Variants in ATPAF2 observed in about 807,000 individuals in gnomAD.
ATPAF2 encodes the protein ATP12 homolog.
ATPAF2 carries 30 observed loss-of-function variants against 36.6 expected under a neutral mutation model. The observed-to-expected ratio is 0.82, with a 90% confidence interval of 0.61 to 1.11. The LOEUF is 1.11. Among genes scored for constraint, ATPAF2 ranks in the 50% most tolerant of loss-of-function variants. The probability of loss-of-function intolerance (pLI) is 0.00; values close to 1 mark genes in which losing one functional copy is unlikely to be tolerated. For missense variants in ATPAF2, 321 were observed against 372.3 expected, an observed-to-expected ratio of 0.86 and a Z score of 1.13; for synonymous variants, 140 against 152.6, an observed-to-expected ratio of 0.92 and a Z score of 0.61.
intron 7 of ATPAF2, among the ~76,000 whole-genome samples, chr17:18,019,733 C>A (rs570391257): frequency 6.6e-6 from 1 of 152,384 alleles, no homozygotes; most frequent in African/African-American, 2.4e-5. Context: ...TCAGAATCCA[C>A]CATGCTACAC....
chr17:18,031,457 T>C lies in ATPAF2; in HGVS notation c.134-2798A>G, dbSNP rs111809049. 3.2e-3 allele frequency among the ~76,000 whole-genome samples: 486 copies of C among 152,208 alleles called. 2 individuals are homozygous for C. The highest frequency in any genetic ancestry group is 0.011 in the African/African-American group (464 of 41,534). ...CTACCATGTGTCTTGGCACTTGGGA[T>C]ACAAGAGTGAATAAAATAGACAGAG... On this transcript the variant is annotated intron_variant, in intron 1 of 7. Coordinates refer to ENST00000474627, the MANE Select transcript of ATPAF2 (RefSeq NM_145691.4).
Position 18,021,798 on chromosome 17 carries a change from G to A in ATPAF2, c.563C>T (p.Thr188Ile). Residue 188 changes from threonine to isoleucine, a missense_variant, in exon 6 of 8, where the codon ACT (threonine) becomes ATT (isoleucine). Physicochemically the swap from Thr to Ile is moderately conservative, Grantham distance 89. This residue lies in a region of ATPAF2 where 199 missense variants were observed against 220.6 expected (regional missense o/e 0.90). Coordinates refer to ENST00000474627, the MANE Select transcript of ATPAF2 (RefSeq NM_145691.4). ...CAGGTGGCTGACGAGCACCTCCCGAGTTTTGGCAGGGATGCTGGGTCCCAT... is the reference window on the plus strand; with the variant it reads ...CAGGTGGCTGACGAGCACCTCCCGAATTTTGGCAGGGATGCTGGGTCCCAT... ...SIMGPSIPAK[T>I]REVLVSHLAS... The A allele has an allele frequency of 6.2e-7, 1 of 1,614,188 alleles. No homozygotes were observed. Among genetic ancestry groups the A allele is most frequent in the South Asian group, 1.1e-5 (1 of 91,080 alleles).
At chr17:18,016,866 C>G (rs1175940401), downstream of ATPAF2, 14 of 437,132 alleles carry the variant, frequency 3.2e-5, no homozygotes, top group East Asian at 5.4e-4. Context: ...CACATTTCCC[C>G]TACTCATAAA....
At chr17:18,031,232 C>T (rs1043017765) in intron 1 of ATPAF2, among the ~76,000 whole-genome samples, 1 of 151,728 alleles carries the variant, frequency 6.6e-6, no homozygotes, top group Non-Finnish European at 1.5e-5. Context: ...ACCTCAGCCT[C>T]CCAAAGTGCT....
At chr17:18,016,563 C>T (rs937969778), downstream of ATPAF2, 2 of 1,611,934 alleles carry the variant, frequency 1.2e-6, no homozygotes, top group Admixed American at 3.3e-5. Context: ...CTCAGATTCA[C>T]AAGGATGAGA....
At chr17:18,026,457 G>T (rs926024472) in intron 3 of ATPAF2, 41 bp from the exon 4 acceptor site, 2 of 1,524,922 alleles carry the variant, frequency 1.3e-6, no homozygotes, top group African/African-American at 1.4e-5. Context: ...TGCCTGCGGG[G>T]CTCAGGCAAA....
intron 5 of ATPAF2, 50 bp downstream of exon 5, chr17:18,024,574 A>C (rs775964167): frequency 4.6e-5 from 70 of 1,526,104 alleles, no homozygotes; most frequent in Non-Finnish European, 5.4e-5. Flanking sequence ...CCTACACTCC[A>C]CCAAACGCAG....
intron 1 of ATPAF2, among the ~76,000 whole-genome samples, chr17:18,036,474 G>A (rs1038322553): frequency 1.8e-4 from 28 of 151,970 alleles, no homozygotes; most frequent in African/African-American, 6.0e-4. Context: ...TACTCGGGAC[G>A]CTGAGGCAGG....
chr17:18,016,359 C>CT, downstream of ATPAF2: 1 of 884,724 alleles, frequency 1.1e-6, no homozygotes, highest in Non-Finnish European at 1.7e-6. Context: ...TGCCCAGAGA[C>CT]TTTAAAACCC....
At chr17:18,019,150 CA>C in intron 7 of ATPAF2, among the ~76,000 whole-genome samples, 1 of 146,892 alleles carries the variant, frequency 6.8e-6, no homozygotes. Context: ...AAAAACACCA[CA>C]CACACACACA....
Position 18,021,792 on chromosome 17 carries a change from T to A in ATPAF2, c.569A>T (p.Glu190Val). The change falls in exon 6 of 8, where the codon GAG becomes GTG. Residue 190 changes from glutamate (E) to valine (V), a missense_variant. By Grantham distance (121) the Glu-to-Val change is moderately radical (BLOSUM62 -2). Transcript: ENST00000474627. ...AGATGCCAGGTGGCTGACGAGCACC[T>A]CCCGAGTTTTGGCAGGGATGCTGGG... ...MGPSIPAKTR[E>V]VLVSHLASYN... The A allele has an allele frequency of 6.2e-7, 1 of 1,614,128 alleles. No homozygotes were observed.
chr17:18,036,168 C>CAATCAGCT (rs1280711149), intron 1 of ATPAF2, among the ~76,000 whole-genome samples: 1 of 152,200 alleles, frequency 6.6e-6, no homozygotes, highest in Non-Finnish European at 1.5e-5. Context: ...TGGCCAAGTT[C>CAATCAGCT]AATCAGCTTG....
At chr17:18,018,755 G>T in intron 7 of ATPAF2, 69 bp from the exon 8 acceptor site, 1 of 1,609,750 alleles carries the variant, frequency 6.2e-7, no homozygotes, top group Non-Finnish European at 8.5e-7. Context: ...CCAAAGCCAC[G>T]TTCCATTCCA....
At position 18,039,155 on chromosome 17, in the gene ATPAF2, G is replaced by C. The variant is rs572101504; in HGVS notation, c.-142C>G. The C allele has an allele frequency of 2.5e-6, 3 of 1,207,842 alleles. No individual in the cohort carries two copies. The highest frequency in any genetic ancestry group is 3.5e-6 in the Non-Finnish European group (3 of 854,678). The allele number at this position is 1,207,842 out of a possible 1,614,324, so 74.8% of individuals were successfully genotyped here. On this transcript the variant is annotated 5_prime_UTR_variant, in exon 1 of 8. Transcript: ENST00000474627. This position sits in a 1 kb window ranked among gnomAD's most constrained non-coding sequence, Gnocchi z 5.3. ...GAGCCCTCAACCTCCCTTGGACGCC[G>C]CCATCTTCCGCATGACACCTACGGC... is the stretch of plus-strand genomic sequence containing the variant.
At chr17:18,020,103 T>TG (rs1276648137) in intron 7 of ATPAF2, among the ~76,000 whole-genome samples, 3 of 130,582 alleles carry the variant, frequency 2.3e-5, no homozygotes, top group Admixed American at 8.0e-5. Context: ...AAAAGTTTTG[T>TG]GTTTTTTTGT....
intron 7 of ATPAF2, chr17:18,020,837 T>C (rs1216315427): frequency 2.1e-6 from 1 of 465,710 alleles, no homozygotes; most frequent in Non-Finnish European, 3.4e-6. Context: ...AATTTTTGTA[T>C]TTTTGTAGAG....
intron 1 of ATPAF2, among the ~76,000 whole-genome samples, chr17:18,034,402 T>C (rs551360783): frequency 1.3e-5 from 2 of 152,006 alleles, no homozygotes; most frequent in Admixed American, 1.3e-4. Flanking sequence ...CAAGACCCCC[T>C]CTCTTTAAAA....
chr17:18,028,468 A>G (rs2044579894), intron 2 of ATPAF2, 91 bp from the exon 3 acceptor site: 1 of 1,571,484 alleles, frequency 6.4e-7, no homozygotes, highest in African/African-American at 1.4e-5. Context: ...GGTGCAGACA[A>G]AGCCAACTCT....
At chr17:18,030,355 A>C (rs1336012029) in intron 1 of ATPAF2, among the ~76,000 whole-genome samples, 1 of 147,518 alleles carries the variant, frequency 6.8e-6, no homozygotes, top group Non-Finnish European at 1.5e-5. Context: ...AAAAATTAAA[A>C]ATTAGCTAGG....
Sources: gnomAD v4.1 joint callset for allele counts (sites outside exome capture counted in the v4.1 genomes callset) on GRCh38, gnomAD v4.1.1 for gene constraint, gnomAD v4.1.1 regional missense constraint, Gnocchi (gnomAD v3.1) non-coding constraint, MANE v1.5 for transcripts, NCBI Gene and HGNC (gene_info 2026-07-23, HGNC 2026-07-21) for gene names.